Variants in FLOT1 observed in about 807,000 individuals in gnomAD.
FLOT1 encodes the protein flotillin 1, also known as flotillin-1.
In FLOT1, 40 loss-of-function variants were observed where a neutral mutation model predicts 58.4. The ratio of observed to expected loss-of-function variants is 0.69; its 90% CI spans 0.53 to 0.89. The LOEUF (loss-of-function observed/expected upper bound fraction) is 0.89. FLOT1 is among the 40% of genes least tolerant of loss of function. The pLI is 0.00. For synonymous variants in FLOT1, 178 were observed against 204.2 expected (o/e 0.87, Z 1.09); for missense variants, 423 against 540.8 (o/e 0.78, Z 2.16).
At position 30,731,106 on chromosome 6, in the gene FLOT1, T is replaced by C; in HGVS notation, c.724-6A>G. The C allele has an allele frequency of 6.3e-7, 1 of 1,594,762 alleles. No individual in the cohort carries two copies. The highest frequency in any genetic ancestry group is 8.5e-7 in the Non-Finnish European group (1 of 1,171,994). On this transcript the variant is annotated splice_polypyrimidine_tract_variant and splice_region_variant and intron_variant, in intron 8 of 12. Transcript: ENST00000376389. ...TGCTGCTTAGTCTTGGCCACCTGGG[T>C]AGGAGGGTGAAGTCAGGTTCACGCT... is the stretch of plus-strand genomic sequence containing the variant.
chr6:30,730,535 C>A lies in FLOT1; in HGVS notation c.982G>T (p.Gly328Trp). The A allele has an allele frequency of 6.2e-7, 1 of 1,611,596 alleles. No individual in the cohort carries two copies. The highest frequency in any genetic ancestry group is 8.5e-7 in the Non-Finnish European group (1 of 1,178,068). ...TCAGCCTCGGCTCGGGCTCGGGCCC[C>A]TATGGCAAAGGCCTCAGCTTCCCCA... is the stretch of plus-strand genomic sequence containing the variant. The part of the protein sequence containing the change: ...MRGEAEAFAI[G>W]ARARAEAEQM... The change falls in exon 11 of 13, where the codon GGG becomes TGG. Residue 328 changes from glycine to tryptophan, a missense_variant. By Grantham distance (184) the Gly-to-Trp change is radical. This residue lies in a region of FLOT1 where 106 missense variants were observed against 88.4 expected (regional missense o/e 1.20). Transcript: ENST00000376389.
rs1390665993 is a variant in FLOT1 at position 30,735,466 on chromosome 6, T to A, written c.724-4366A>T. On this transcript the variant is annotated intron_variant, in intron 8 of 12. Coordinates refer to ENST00000376389, the MANE Select transcript of FLOT1 (RefSeq NM_005803.4). ...TCTCTACTAAAAAAAAAAAAAAAAA[T>A]ACAAAAATTACCTGGGCGTGGTGGT... Among the ~76,000 whole-genome samples the A allele has an allele frequency of 2.2e-3, 297 of 134,024 alleles. 1 individual carries two copies. The highest frequency in any genetic ancestry group is 3.6e-3 in the Admixed American group (49 of 13,458). The allele number at this position is 134,024 out of a possible 152,430, so 87.9% of individuals were successfully genotyped here. A position where few individuals can be genotyped will look rare whatever the true frequency, so the allele number is the denominator to read the frequency against.
chr6:30,730,597 G>A, intron 10 of FLOT1, 32 bp from the exon 11 acceptor site: 1 of 1,613,716 alleles, frequency 6.2e-7, no homozygotes, highest in Non-Finnish European at 8.5e-7. Flanking sequence ...GAGATTGACG[G>A]AAATCATTAA....
intron 8 of FLOT1, among the ~76,000 whole-genome samples, chr6:30,731,909 A>G (rs1386543618): frequency 6.6e-6 from 1 of 152,056 alleles, no homozygotes; most frequent in Non-Finnish European, 1.5e-5. Flanking sequence ...GTATCCTTCC[A>G]GGGATACTCT....
Position 30,742,342 on chromosome 6 carries a change from G to T in FLOT1, c.-14-139C>A. ...CCGTCCCTTCTACACCCATGGGTCC[G>T]CTAAGGCTTTTCCCTACAAAATCCT... On this transcript the variant is annotated intron_variant, in intron 1 of 12. Coordinates refer to ENST00000376389, the MANE Select transcript of FLOT1 (RefSeq NM_005803.4). The surrounding 1 kb of genome is among the most constrained non-coding windows in gnomAD (Gnocchi z 5.2). 3 of 699,058 alleles carry T rather than the reference G, an allele frequency of 4.3e-6. No homozygotes were observed. The highest frequency in any genetic ancestry group is 1.7e-5 in the South Asian group (1 of 59,540). The allele number at this position is 699,058 out of a possible 1,614,324, so 43.3% of individuals were successfully genotyped here.
intron 8 of FLOT1, among the ~76,000 whole-genome samples, chr6:30,735,586 C>T (rs893965776): frequency 4.3e-5 from 6 of 138,046 alleles, no homozygotes; most frequent in Admixed American, 7.0e-5. Context: ...GCCGAGACTG[C>T]GCCACTGCAC....
Position 30,742,580 on chromosome 6 carries a change from G to T in FLOT1, c.-68C>A, listed in dbSNP as rs571414588. 732 of 254,684 alleles carry T rather than the reference G, an allele frequency of 2.9e-3. 3 individuals carry two copies. The highest frequency in any genetic ancestry group is 0.015 in the African/African-American group (676 of 43,790). 15.8% of individuals were successfully genotyped at this position (254,684 alleles called of 1,614,324 possible). A position where few individuals can be genotyped will look rare whatever the true frequency, so the allele number is the denominator to read the frequency against. On this transcript the variant is annotated 5_prime_UTR_variant, in exon 1 of 13. Coordinates refer to ENST00000376389, the MANE Select transcript of FLOT1 (RefSeq NM_005803.4). This position sits in a 1 kb window ranked among gnomAD's most constrained non-coding sequence, Gnocchi z 5.2. ...GGGGTCTCGGGAAGGGCGGGGTCGC[G>T]CAGGGACCTGGGAGCCGGGCAGGGG...
intron 11 of FLOT1, 55 bp downstream of exon 11, chr6:30,730,373 C>G: frequency 6.5e-7 from 1 of 1,534,336 alleles, no homozygotes. Flanking sequence ...TACACCCCAC[C>G]CCTTAGTCCC....
Position 30,730,541 on chromosome 6 carries a change from C to G in FLOT1, c.976G>C (p.Ala326Pro). The G allele has an allele frequency of 6.2e-7, 1 of 1,611,202 alleles. No homozygotes were observed. Among genetic ancestry groups the G allele is most frequent in the South Asian group, 1.1e-5 (1 of 90,888 alleles). Residue 326 changes from alanine (A) to proline (P), a missense_variant, in exon 11 of 13, where the codon GCC becomes CCC. Transcript: ENST00000376389. ...TCGGCTCGGGCTCGGGCCCCTATGG[C>G]AAAGGCCTCAGCTTCCCCACGCATC... is the stretch of plus-strand genomic sequence containing the variant. ...VRMRGEAEAF[A>P]IGARARAEAE... is the part of the protein sequence containing the mutation.
chr6:30,741,756 C>T lies in FLOT1; in HGVS notation c.119+36G>A, dbSNP rs1304347158. 3.8e-5 allele frequency: 62 copies of T among 1,610,970 alleles called. No individual in the cohort carries two copies. The highest frequency in any genetic ancestry group is 5.2e-5 in the Non-Finnish European group (61 of 1,178,276). ...TAAGAAGAGGAGGAAAAAGAGAAAA[C>T]GGAGGTCCCCCTTCCCTGGTTCCCT... is the stretch of plus-strand genomic sequence containing the variant. On this transcript the variant is annotated intron_variant, in intron 3 of 12. Transcript: ENST00000376389. This position sits in a 1 kb window ranked among gnomAD's most constrained non-coding sequence, Gnocchi z 5.9.
At chr6:30,734,070 A>AAAAAAAAAAAT (rs1213128481) in intron 8 of FLOT1, among the ~76,000 whole-genome samples, 1 of 149,612 alleles carries the variant, frequency 6.7e-6, no homozygotes. Flanking sequence ...AAAAAAAAAA[A>AAAAAAAAAAAT]AAGGAATCTG....
chr6:30,740,839 T>C, intron 5 of FLOT1, 41 bp from the exon 6 acceptor site: 1 of 1,425,040 alleles, frequency 7.0e-7, no homozygotes, highest in Non-Finnish European at 9.4e-7. Context: ...TGTAAGTTTT[T>C]TTTTTTTTTT....
At position 30,737,242 on chromosome 6, in the gene FLOT1, G is replaced by GTCCATCCATCCATCCA. The variant is rs146050958; in HGVS notation, c.723+2915_723+2916insTGGATGGATGGATGGA. On this transcript the variant is annotated intron_variant, in intron 8 of 12. Transcript: ENST00000376389. This position sits in a 1 kb window ranked among gnomAD's most constrained non-coding sequence, Gnocchi z 4.4. ...CGTCCGTCCGTCCGTCCGTCCGTCC[G>GTCCATCCATCCATCCA]TCCGTCCATCCGTCCATCCATCCAT... Among the ~76,000 whole-genome samples, 2,237 of 145,778 alleles carry GTCCATCCATCCATCCA rather than the reference G, an allele frequency of 0.015. 50 individuals are homozygous for GTCCATCCATCCATCCA. The highest frequency in any genetic ancestry group is 0.047 in the African/African-American group (1,802 of 38,492).
At position 30,728,005 on chromosome 6, in the gene FLOT1, G is replaced by T; in HGVS notation, c.*111C>A. On this transcript the variant is annotated 3_prime_UTR_variant, in exon 13 of 13. Transcript: ENST00000376389. ...TATTTGGCAAGGAGAGATGAGGGGTGGGACCTCACTGTCAATGGACATGCT... is the reference window on the plus strand; with the variant it reads ...TATTTGGCAAGGAGAGATGAGGGGTTGGACCTCACTGTCAATGGACATGCT... 1.0e-6 allele frequency: 1 copy of T among 991,908 alleles called. No homozygotes were observed. Among genetic ancestry groups the T allele is most frequent in the Non-Finnish European group, 1.6e-6 (1 of 618,728 alleles). The allele number at this position is 991,908 out of a possible 1,614,324, so 61.4% of individuals were successfully genotyped here.
rs762067954 is a variant in FLOT1, at chr6:30,742,263, G to A, written c.-14-60C>T. ...GGAAGGCGCGCTGTGGCGTCCACAG[G>A]GGCCCATCCTTTCCCTTTCCCGTCA... On this transcript the variant is annotated intron_variant, in intron 1 of 12. Coordinates refer to ENST00000376389, the MANE Select transcript of FLOT1 (RefSeq NM_005803.4). The surrounding 1 kb of genome is among the most constrained non-coding windows in gnomAD (Gnocchi z 5.2). 1.8e-4 allele frequency: 263 copies of A among 1,444,624 alleles called. 1 individual carries two copies. Among genetic ancestry groups the A allele is most frequent in the Non-Finnish European group, 2.3e-4 (240 of 1,026,858 alleles). The allele number at this position is 1,444,624 out of a possible 1,614,324, so 89.5% of individuals were successfully genotyped here.
chr6:30,742,384 C>T lies in FLOT1; in HGVS notation c.-15+143G>A, dbSNP rs1778070844. ...CAAAATCCTTAAGATCCCCAGCTAC[C>T]TCTTCTCCGCCTGCGTATGGTCCCT... On this transcript the variant is annotated intron_variant, in intron 1 of 12. Transcript: ENST00000376389. The surrounding 1 kb of genome is among the most constrained non-coding windows in gnomAD (Gnocchi z 5.2). 1.6e-6 allele frequency: 1 copy of T among 620,174 alleles called. No individual in the cohort carries two copies. Among genetic ancestry groups the T allele is most frequent in the Non-Finnish European group, 2.9e-6 (1 of 342,244 alleles). The allele number at this position is 620,174 out of a possible 1,614,324, so 38.4% of individuals were successfully genotyped here. A position where few individuals can be genotyped will look rare whatever the true frequency, so the allele number is the denominator to read the frequency against.
At chr6:30,729,994 T>TCTG (rs58436052) in intron 12 of FLOT1, 28 bp downstream of exon 12, 70,493 of 1,607,930 alleles carry the variant, frequency 0.044, 2,607 homozygotes, top group African/African-American at 0.16. Flanking sequence ...ACCTAGCAAT[T>TCTG]CTCCTCAGCT....
chr6:30,736,872 T>C (rs1003307039), intron 8 of FLOT1, among the ~76,000 whole-genome samples: 1 of 151,846 alleles, frequency 6.6e-6, no homozygotes, highest in Non-Finnish European at 1.5e-5. Context: ...GGATTACAGG[T>C]GTGAACCACC....
In FLOT1 at chr6:30,730,531, G is replaced by A. The variant is rs1410384700; in HGVS notation, c.986C>T (p.Ala329Val). 9 of 1,611,278 alleles carry A rather than the reference G, an allele frequency of 5.6e-6. No homozygotes were observed. Among genetic ancestry groups the A allele is most frequent in the Non-Finnish European group, 3.4e-6 (4 of 1,177,894 alleles). ...CTGCTCAGCCTCGGCTCGGGCTCGG[G>A]CCCCTATGGCAAAGGCCTCAGCTTC... The part of the protein sequence containing the change: ...RGEAEAFAIG[A>V]RARAEAEQMA... Residue 329 changes from alanine (A) to valine (V), a missense_variant, in exon 11 of 13, where the codon GCC becomes GTC. This residue lies in a region of FLOT1 where 106 missense variants were observed against 88.4 expected (regional missense o/e 1.20). Coordinates refer to ENST00000376389, the MANE Select transcript of FLOT1 (RefSeq NM_005803.4).
Sources: allele counts gnomAD v4.1 joint callset (sites outside exome capture counted in the v4.1 genomes callset), GRCh38; gene constraint gnomAD v4.1.1; regional missense constraint gnomAD v4.1.1; non-coding constraint Gnocchi (gnomAD v3.1); transcripts MANE v1.5; gene names NCBI Gene and HGNC (gene_info 2026-07-23, HGNC 2026-07-21).